The following MAD1L1 variants were observed in gnomAD, a reference collection of about 807,000 sequenced individuals.
The protein encoded by MAD1L1 is mitotic arrest deficient 1 like 1, also known as mitotic spindle assembly checkpoint protein MAD1.
A neutral mutation model predicts 96.9 loss-of-function variants in MAD1L1; 95 were observed. The ratio of observed to expected loss-of-function variants is 0.98; its 90% CI spans 0.83 to 1.16. The LOEUF (loss-of-function observed/expected upper bound fraction) is 1.16, where lower values mean the gene tolerates loss of function less well. Among genes scored for constraint, MAD1L1 ranks in the 50% most tolerant of loss-of-function variants. The probability of loss-of-function intolerance (pLI) is 0.00; values close to 1 mark genes in which losing one functional copy is unlikely to be tolerated. For missense variants in MAD1L1, 1,007 were observed against 954.4 expected, an observed-to-expected ratio of 1.06 and a Z score of -0.73; for synonymous variants, 473 against 396.6, an observed-to-expected ratio of 1.19 and a Z score of -2.29.
chr7:1,999,240 A>G (rs1781687261), intron 14 of MAD1L1, among the ~76,000 whole-genome samples: 1 of 152,224 alleles, frequency 6.6e-6, no homozygotes, highest in Non-Finnish European at 1.5e-5. Flanking sequence ...AGAGGAAAAT[A>G]AACAAAACAA....
At chr7:1,908,916 G>A (rs1191710079) in intron 17 of MAD1L1, among the ~76,000 whole-genome samples, 1 of 152,190 alleles carries the variant, frequency 6.6e-6, no homozygotes, top group Non-Finnish European at 1.5e-5. Context: ...GGCGGCGGCT[G>A]GGCGCCTGGC....
intron 10 of MAD1L1, among the ~76,000 whole-genome samples, chr7:2,164,148 G>A (rs533956197): frequency 1.8e-4 from 28 of 152,172 alleles, no homozygotes; most frequent in Non-Finnish European, 3.1e-4. Context: ...ATAACGAACC[G>A]CTGTATAAAC....
chr7:1,970,799 T>C (rs537193154), intron 15 of MAD1L1, among the ~76,000 whole-genome samples: 2 of 152,344 alleles, frequency 1.3e-5, no homozygotes, highest in South Asian at 2.1e-4. Context: ...TCTTTAGAAC[T>C]GCAGGCATGT....
At chr7:2,210,810 C>A (rs1356169426) in intron 10 of MAD1L1, among the ~76,000 whole-genome samples, 1 of 152,256 alleles carries the variant, frequency 6.6e-6, no homozygotes, top group African/African-American at 2.4e-5. Context: ...TCGACCCCCA[C>A]AGCGAGGACG....
rs867474857 is a variant in MAD1L1 at position 2,115,003 on chromosome 7, C to T, written c.1073+34149G>A. Among the ~76,000 whole-genome samples the T allele has an allele frequency of 3.9e-5, 6 of 152,350 alleles. No homozygotes were observed. In the Middle Eastern group the frequency reaches 0.02, roughly 518 times the overall value. On this transcript the variant is annotated intron_variant, in intron 11 of 18. Transcript: ENST00000265854. ...TAGAAACAGTGACGGGCCAGTGCAG[C>T]AGAGAAGAGCAGAGCGCCTGGGAGA...
intron 11 of MAD1L1, among the ~76,000 whole-genome samples, chr7:2,137,417 G>A (rs944113870): frequency 1.3e-5 from 2 of 152,174 alleles, no homozygotes; most frequent in Admixed American, 1.3e-4. Flanking sequence ...GGGGAGCTGA[G>A]GTCAGACACC....
chr7:2,199,843 T>C, intron 10 of MAD1L1, among the ~76,000 whole-genome samples: 1 of 152,226 alleles, frequency 6.6e-6, no homozygotes, highest in Non-Finnish European at 1.5e-5. Flanking sequence ...CCCAACGCCA[T>C]GCTGGCCAGC....
At chr7:1,918,500 C>G (rs114249069) in intron 17 of MAD1L1, among the ~76,000 whole-genome samples, 7,543 of 152,312 alleles carry the variant, frequency 0.05, 278 homozygotes, top group Admixed American at 0.1. Flanking sequence ...GCCGGGTCCA[C>G]GGCATGGGGG....
intron 11 of MAD1L1, among the ~76,000 whole-genome samples, chr7:2,081,713 C>T (rs1039215192): frequency 3.3e-5 from 5 of 152,248 alleles, no homozygotes; most frequent in African/African-American, 7.2e-5. Flanking sequence ...CGGAGCACAA[C>T]GGCCCAGGCC....
chr7:1,839,266 G>A (rs536152379), intron 18 of MAD1L1, among the ~76,000 whole-genome samples: 1 of 152,106 alleles, frequency 6.6e-6, no homozygotes, highest in Non-Finnish European at 1.5e-5. Context: ...GGTGGTCACC[G>A]TCTAGTCCCC....
At chr7:1,853,460 G>A (rs943476130) in intron 18 of MAD1L1, among the ~76,000 whole-genome samples, 4 of 152,230 alleles carry the variant, frequency 2.6e-5, no homozygotes, top group Middle Eastern at 3.4e-3. Flanking sequence ...GGCATCAGAC[G>A]GCAGTGACAG....
At chr7:1,825,778 C>G (rs1406583968) in intron 18 of MAD1L1, among the ~76,000 whole-genome samples, 1 of 152,170 alleles carries the variant, frequency 6.6e-6, no homozygotes, top group African/African-American at 2.4e-5. Context: ...AGGTGATAAA[C>G]CTGGGTAATG....
intron 16 of MAD1L1, among the ~76,000 whole-genome samples, chr7:1,956,351 C>T (rs1307633068): frequency 6.6e-6 from 1 of 152,208 alleles, no homozygotes; most frequent in African/African-American, 2.4e-5. Flanking sequence ...CGCTTCACTG[C>T]TCTGCACTTG....
chr7:2,019,040 G>A (rs1022101739), intron 12 of MAD1L1, among the ~76,000 whole-genome samples: 1 of 152,108 alleles, frequency 6.6e-6, no homozygotes, highest in South Asian at 2.1e-4. Flanking sequence ...TACCTCTCCC[G>A]ACGCATGGAG....
chr7:1,822,239 T>G (rs1158051406), intron 18 of MAD1L1, among the ~76,000 whole-genome samples: 1 of 152,032 alleles, frequency 6.6e-6, no homozygotes, highest in East Asian at 1.9e-4. Context: ...AATACTCGGG[T>G]ATACATCTAA....
At chr7:2,132,285 T>G (rs1488569543) in intron 11 of MAD1L1, among the ~76,000 whole-genome samples, 4 of 152,248 alleles carry the variant, frequency 2.6e-5, no homozygotes. Flanking sequence ...TCATTACAAC[T>G]GATGAACCCA....
chr7:2,155,985 A>G (rs1584444655), intron 10 of MAD1L1, among the ~76,000 whole-genome samples: 1 of 152,266 alleles, frequency 6.6e-6, no homozygotes, highest in Non-Finnish European at 1.5e-5. Context: ...CATAACATTG[A>G]GCACTGAACA....
intron 12 of MAD1L1, among the ~76,000 whole-genome samples, chr7:2,041,656 T>C (rs914176790): frequency 6.6e-6 from 1 of 152,224 alleles, no homozygotes; most frequent in Non-Finnish European, 1.5e-5. Context: ...ACCTTTGACA[T>C]GGGTCACGAC....
At position 1,853,869 on chromosome 7, in the gene MAD1L1, G is replaced by A. The variant is rs183818101; in HGVS notation, c.1999-37641C>T. Among the ~76,000 whole-genome samples the A allele has an allele frequency of 5.3e-4, 80 of 152,294 alleles. 1 individual carries two copies. In the East Asian group the frequency reaches 0.015, roughly 28 times the overall value. On this transcript the variant is annotated intron_variant, in intron 18 of 18. Coordinates refer to ENST00000265854, the MANE Select transcript of MAD1L1 (RefSeq NM_001013836.2). ...AGGACCGGGCAGGCCCCACCTGGCC[G>A]TCTGACAGGTGGACTCTCGGCCCTG...
Sources: gnomAD v4.1 joint callset for allele counts (sites outside exome capture counted in the v4.1 genomes callset) on GRCh38, gnomAD v4.1.1 for gene constraint, MANE v1.5 for transcripts, NCBI Gene and HGNC (gene_info 2026-07-23, HGNC 2026-07-21) for gene names.